Variants in KDM4C observed in about 807,000 individuals in gnomAD.
KDM4C encodes lysine-specific demethylase 4C.
Under a neutral mutation model 129.3 loss-of-function variants are expected in KDM4C, and 81 were observed. The observed-to-expected ratio is 0.63, with a 90% CI of 0.52 to 0.75. The LOEUF is 0.75. KDM4C is among the 30% of genes least tolerant of loss of function. KDM4C has a pLI of 0.00. For missense variants in KDM4C, 1,457 were observed against 1,304.0 expected, an observed-to-expected ratio of 1.12 and a Z score of -1.81; for synonymous variants, 573 against 456.1, an observed-to-expected ratio of 1.26 and a Z score of -3.26.
At chr9:6,873,941 C>CGAGAGAGAGAGA (rs61477112) in intron 5 of KDM4C, among the ~76,000 whole-genome samples, 4 of 132,078 alleles carry the variant, frequency 3.0e-5, no homozygotes, top group East Asian at 4.4e-4. Context: ...TGAGAGAGAG[C>CGAGAGAGAGAGA]GAGAGAGAGA....
rs1439774532 is a variant in KDM4C, at chr9:7,056,332, T to G, written c.2424+7132T>G. On this transcript the variant is annotated intron_variant, in intron 17 of 21. Transcript: ENST00000381309. ...ACATATGTCTCCAGCTTTGTAAGGT[T>G]TTTAAATAAGTGTAGTGCAAAAAAA... 1.4e-4 allele frequency among the ~76,000 whole-genome samples: 19 copies of G among 135,976 alleles called. No individual in the cohort carries two copies. In the Admixed American group the frequency reaches 1.5e-3, roughly 11 times the overall value. 89.2% of individuals were successfully genotyped at this position (135,976 alleles called of 152,430 possible).
chr9:7,049,931 C>G (rs1829912649), intron 17 of KDM4C, among the ~76,000 whole-genome samples: 1 of 152,110 alleles, frequency 6.6e-6, no homozygotes, highest in Admixed American at 6.6e-5. Flanking sequence ...GCACGTCTTA[C>G]AGGTGGACTT....
At chr9:7,126,913 C>G (rs1840080783) in intron 18 of KDM4C, among the ~76,000 whole-genome samples, 1 of 152,010 alleles carries the variant, frequency 6.6e-6, no homozygotes, top group African/African-American at 2.4e-5. Flanking sequence ...CGAAGGGGCT[C>G]TTATTGGTCA....
chr9:6,815,625 C>T (rs527418588), intron 4 of KDM4C, among the ~76,000 whole-genome samples: 2 of 152,298 alleles, frequency 1.3e-5, no homozygotes, highest in East Asian at 3.9e-4. Context: ...ATCCTTCATC[C>T]AGAAATCCAA....
chr9:7,087,939 C>T lies in KDM4C; in HGVS notation c.2425-15746C>T, dbSNP rs141080288. Reference sequence around the variant, plus strand: ...TCTACATCCAGTTTATGGAGAACGCCGATTTGTAATCTTACAGTGATTTTT... The same window carrying T: ...TCTACATCCAGTTTATGGAGAACGCTGATTTGTAATCTTACAGTGATTTTT... On this transcript the variant is annotated intron_variant, in intron 17 of 21. Coordinates refer to ENST00000381309, the MANE Select transcript of KDM4C (RefSeq NM_015061.6). Among the ~76,000 whole-genome samples the T allele has an allele frequency of 3.3e-5, 5 of 152,274 alleles. No individual in the cohort carries two copies. In the South Asian group the frequency reaches 6.2e-4, roughly 19 times the overall value.
At chr9:6,989,916 AG>A (rs1166261929) in intron 11 of KDM4C, among the ~76,000 whole-genome samples, 4 of 149,578 alleles carry the variant, frequency 2.7e-5, no homozygotes, top group Middle Eastern at 3.5e-3. Flanking sequence ...CTGGGACCAC[AG>A]GCATATGCCT....
At chr9:6,748,274 G>A (rs1563925861) in intron 1 of KDM4C, among the ~76,000 whole-genome samples, 3 of 152,064 alleles carry the variant, frequency 2.0e-5, no homozygotes, top group African/African-American at 7.2e-5. Flanking sequence ...TTGGGAGGCT[G>A]AGGCAGGTGG....
rs75332984 is a variant in KDM4C, at chr9:6,841,015, C to G, written c.436-8492C>G. ...TTTGTGGTGGAAGAAAGACTGTAGT[C>G]CTGCCCATCTGTATATTCTTTTTGA... On this transcript the variant is annotated intron_variant, in intron 4 of 21. Transcript: ENST00000381309. Among the ~76,000 whole-genome samples the G allele has an allele frequency of 4.5e-3, 682 of 152,246 alleles. 6 individuals are homozygous for G. Among genetic ancestry groups the G allele is most frequent in the Middle Eastern group, 0.01 (3 of 294 alleles).
At chr9:6,944,652 G>GTTTTTTTTTCTT (rs1826562143) in intron 8 of KDM4C, among the ~76,000 whole-genome samples, 1 of 80,990 alleles carries the variant, frequency 1.2e-5, no homozygotes, top group Non-Finnish European at 2.2e-5. Flanking sequence ...CAAGGTAGAG[G>GTTTTTTTTTCTT]TTTTTTTTTT....
chr9:7,028,848 C>T (rs73401806), intron 15 of KDM4C, among the ~76,000 whole-genome samples: 14,511 of 152,082 alleles, frequency 0.095, 1,093 homozygotes, highest in African/African-American at 0.19. Context: ...CTGGGCAGCA[C>T]GGAATTCAGT....
At chr9:6,950,042 GTT>G (rs35466020) in intron 8 of KDM4C, among the ~76,000 whole-genome samples, 9 of 122,570 alleles carry the variant, frequency 7.3e-5, no homozygotes, top group Non-Finnish European at 1.0e-4. Context: ...CATGTGGCTG[GTT>G]TTTTTTTTTT....
Position 7,013,120 on chromosome 9 carries a change from A to G in KDM4C, c.1969-668A>G, listed in dbSNP as rs561285612. Among the ~76,000 whole-genome samples the G allele has an allele frequency of 4.6e-5, 7 of 152,318 alleles. No homozygotes were observed. In the South Asian group the frequency reaches 1.4e-3, roughly 32 times the overall value. ...TCTGTATATTTCTCAATAATTAAAA[A>G]ATTCAAACTAAAATAATAAGATTTG... is the stretch of plus-strand genomic sequence containing the variant. On this transcript the variant is annotated intron_variant, in intron 13 of 21. Transcript: ENST00000381309.
intron 1 of KDM4C, among the ~76,000 whole-genome samples, chr9:6,731,883 C>G (rs942363767): frequency 6.6e-6 from 1 of 152,094 alleles, no homozygotes; most frequent in Non-Finnish European, 1.5e-5. Context: ...CAGCTCTTGT[C>G]ATTCCAGTTG....
chr9:6,723,588 A>T (rs554567525), intron 1 of KDM4C: 1 of 144,096 alleles, frequency 6.9e-6, no homozygotes, highest in Admixed American at 7.7e-5. Context: ...ACTGCCTTGC[A>T]CTCCCTGAAG....
chr9:7,032,762 G>T (rs1826989023), intron 15 of KDM4C, among the ~76,000 whole-genome samples: 8 of 152,080 alleles, frequency 5.3e-5, no homozygotes, highest in Non-Finnish European at 1.2e-4. Flanking sequence ...TTTTTGGAGG[G>T]GAAAGAAGGC....
intron 2 of KDM4C, among the ~76,000 whole-genome samples, chr9:6,805,272 C>G (rs1374272639): frequency 6.6e-6 from 1 of 151,822 alleles, no homozygotes; most frequent in African/African-American, 2.4e-5. Flanking sequence ...AGAATTTCAG[C>G]TCAAGTAGTC....
intron 15 of KDM4C, among the ~76,000 whole-genome samples, chr9:7,036,059 T>G (rs917008128): frequency 6.6e-6 from 1 of 152,206 alleles, no homozygotes; most frequent in Non-Finnish European, 1.5e-5. Flanking sequence ...GCATTGAATC[T>G]GTAGATTGCC....
In KDM4C at chr9:6,843,314, A is replaced by T. The variant is rs117678314; in HGVS notation, c.436-6193A>T. On this transcript the variant is annotated intron_variant, in intron 4 of 21. Coordinates refer to ENST00000381309, the MANE Select transcript of KDM4C (RefSeq NM_015061.6). ...AATCCGTCGAGGTGCCCCTCTAAAAAGCTGTGGTCTGAACCCTCTCCCCAT... is the reference window on the plus strand; with the variant it reads ...AATCCGTCGAGGTGCCCCTCTAAAATGCTGTGGTCTGAACCCTCTCCCCAT... Among the ~76,000 whole-genome samples, 31 of 152,356 alleles carry T rather than the reference A, an allele frequency of 2.0e-4. 1 individual carries two copies. The East Asian group carries it at 6.0e-3, about 29-fold the overall frequency.
chr9:6,980,028 G>T (rs1360150182), intron 8 of KDM4C, among the ~76,000 whole-genome samples: 1 of 152,176 alleles, frequency 6.6e-6, no homozygotes, highest in Non-Finnish European at 1.5e-5. Context: ...TTGCATGGAG[G>T]TGATAATTGT....
Sources: gnomAD v4.1 joint callset for allele counts (sites outside exome capture counted in the v4.1 genomes callset) on GRCh38, gnomAD v4.1.1 for gene constraint, MANE v1.5 for transcripts, NCBI Gene and HGNC (gene_info 2026-07-23, HGNC 2026-07-21) for gene names.